SLIT2: variants seen among roughly 807,000 people sequenced by gnomAD.
SLIT2 encodes the protein slit homolog 2 protein.
SLIT2 carries 41 observed loss-of-function variants against 185.7 expected under a neutral mutation model. The observed-to-expected ratio is 0.22, with a 90% confidence interval of 0.17 to 0.29. SLIT2 has a LOEUF of 0.29. Ranked by LOEUF, SLIT2 falls within the 10% of genes least tolerant of loss-of-function variation. The probability of loss-of-function intolerance (pLI) is 1.00; values close to 1 mark genes in which losing one functional copy is unlikely to be tolerated. For synonymous variants in SLIT2, 693 were observed against 680.2 expected, an observed-to-expected ratio of 1.02 and a Z score of -0.29; for missense variants, 1,571 against 1,909.0, an observed-to-expected ratio of 0.82 and a Z score of 3.30.
chr4:20,580,624 C>A (rs552966816), intron 29 of SLIT2, among the ~76,000 whole-genome samples: 1 of 152,206 alleles, frequency 6.6e-6, no homozygotes, highest in Non-Finnish European at 1.5e-5. Flanking sequence ...TGGTGGATAG[C>A]CTGTCCTGCA....
At chr4:20,307,762 T>C (rs1717721131) in intron 4 of SLIT2, among the ~76,000 whole-genome samples, 1 of 152,172 alleles carries the variant, frequency 6.6e-6, no homozygotes, top group Non-Finnish European at 1.5e-5. Flanking sequence ...TATTAGCAAC[T>C]GTTTAAAATA....
chr4:20,590,050 C>T (rs113280955), intron 30 of SLIT2, among the ~76,000 whole-genome samples: 4,852 of 151,696 alleles, frequency 0.032, 105 homozygotes, highest in Non-Finnish European at 0.045. Flanking sequence ...GGACTACAGG[C>T]GCCCGCCACC....
At chr4:20,405,604 A>C (rs1320705707) in intron 4 of SLIT2, among the ~76,000 whole-genome samples, 1 of 151,900 alleles carries the variant, frequency 6.6e-6, no homozygotes, top group Non-Finnish European at 1.5e-5. Flanking sequence ...GAAAACATGG[A>C]GGCTATTGTA....
At chr4:20,587,225 G>A (rs1421461571) in intron 29 of SLIT2, among the ~76,000 whole-genome samples, 1 of 151,970 alleles carries the variant, frequency 6.6e-6, no homozygotes, top group Non-Finnish European at 1.5e-5. Context: ...CACCATGTTG[G>A]CCAAGCTGGT....
intron 4 of SLIT2, among the ~76,000 whole-genome samples, chr4:20,320,694 C>A (rs1462303536): frequency 6.6e-6 from 1 of 152,112 alleles, no homozygotes; most frequent in Non-Finnish European, 1.5e-5. Context: ...ACTCTCCCCT[C>A]CTCCTTCACT....
chr4:20,442,967 T>C (rs188488488), intron 4 of SLIT2, among the ~76,000 whole-genome samples: 25 of 152,242 alleles, frequency 1.6e-4, no homozygotes, highest in Admixed American at 1.1e-3. Flanking sequence ...AGGGCTTTTT[T>C]CCCCCTTTTG....
intron 29 of SLIT2, among the ~76,000 whole-genome samples, chr4:20,588,053 T>C (rs917504586): frequency 6.6e-5 from 10 of 152,234 alleles, no homozygotes; most frequent in Non-Finnish European, 1.3e-4. Flanking sequence ...CATAGTAGGC[T>C]GATAAAATAT....
At chr4:20,287,410 C>A (rs2109070782) in intron 4 of SLIT2, among the ~76,000 whole-genome samples, 1 of 152,308 alleles carries the variant, frequency 6.6e-6, no homozygotes, top group East Asian at 1.9e-4. Flanking sequence ...TGGAGTGTTT[C>A]TTCCTGCTCC....
chr4:20,255,450 T>C (rs1324766964), intron 1 of SLIT2, among the ~76,000 whole-genome samples: 1 of 152,128 alleles, frequency 6.6e-6, no homozygotes, highest in Non-Finnish European at 1.5e-5. Context: ...CGATCCACAT[T>C]TGTGTAGGGT....
chr4:20,573,097 A>C (rs1725750461), intron 29 of SLIT2: 1 of 673,778 alleles, frequency 1.5e-6, no homozygotes, highest in Admixed American at 2.2e-5. Context: ...GCTGTAGGTA[A>C]GAAATCCAAG....
At chr4:20,353,808 G>T (rs1722078582) in intron 4 of SLIT2, among the ~76,000 whole-genome samples, 1 of 152,128 alleles carries the variant, frequency 6.6e-6, no homozygotes, top group African/African-American at 2.4e-5. Flanking sequence ...CTTAAATGAG[G>T]AAACTAGAAC....
chr4:20,482,737 A>C (rs1044499004), intron 6 of SLIT2, among the ~76,000 whole-genome samples: 3 of 152,026 alleles, frequency 2.0e-5, no homozygotes, highest in African/African-American at 7.2e-5. Flanking sequence ...AATAATAAAA[A>C]TTAGCATATG....
chr4:20,553,735 TTGTGTGTGTGTGTG>T, intron 25 of SLIT2, 56 bp from the exon 26 acceptor site: 1 of 941,194 alleles, frequency 1.1e-6, no homozygotes, highest in Non-Finnish European at 1.4e-6. Context: ...ACTTCCATAC[TTGTGTGTGTGTGTG>T]TGTGTGTATG....
At chr4:20,536,081 T>G (rs1722255103) in intron 18 of SLIT2, among the ~76,000 whole-genome samples, 1 of 152,134 alleles carries the variant, frequency 6.6e-6, no homozygotes, top group East Asian at 1.9e-4. Flanking sequence ...TATCTAAACA[T>G]ACTAAACAGA....
intron 4 of SLIT2, among the ~76,000 whole-genome samples, chr4:20,352,023 G>A (rs1329009038): frequency 1.3e-5 from 2 of 152,142 alleles, no homozygotes; most frequent in African/African-American, 4.8e-5. Context: ...CTCTTACAGA[G>A]CGAGAATGAC....
At chr4:20,309,569 T>A (rs1177766016) in intron 4 of SLIT2, among the ~76,000 whole-genome samples, 2 of 152,046 alleles carry the variant, frequency 1.3e-5, no homozygotes, top group African/African-American at 4.8e-5. Context: ...TAAAATCCTC[T>A]TTACTTGTGT....
chr4:20,596,145 A>C (rs536137203), intron 31 of SLIT2, among the ~76,000 whole-genome samples: 16 of 152,322 alleles, frequency 1.1e-4, no homozygotes, highest in Middle Eastern at 3.4e-3. Context: ...AAAGAGTAGA[A>C]TGAGGGTTAC....
rs1173772371 is a variant in SLIT2, at chr4:20,395,148, G to C, written c.396-72604G>C. Among the ~76,000 whole-genome samples the C allele has an allele frequency of 2.6e-5, 4 of 151,944 alleles. No homozygotes were observed. The East Asian group carries it at 7.7e-4, about 29-fold the overall frequency. ...ATTGCCATTTTAATTACATAATTAT[G>C]ATTTATCTATATCTTCTAAACGTTA... On this transcript the variant is annotated intron_variant, in intron 4 of 36. Coordinates refer to ENST00000504154, the MANE Select transcript of SLIT2 (RefSeq NM_004787.4).
chr4:20,449,447 C>T lies in SLIT2; in HGVS notation c.396-18305C>T, dbSNP rs539324322. Among the ~76,000 whole-genome samples, 689 of 152,188 alleles carry T rather than the reference C, an allele frequency of 4.5e-3. 5 individuals carry two copies. The highest frequency in any genetic ancestry group is 6.8e-3 in the Middle Eastern group (2 of 294). On this transcript the variant is annotated intron_variant, in intron 4 of 36. Transcript: ENST00000504154. ...TTTTTATGAGGGAGTCTCACTCTGT[C>T]GCATAGACTGGAGTGCAGTGGTGCA...
Sources: gnomAD v4.1 joint callset for allele counts (sites outside exome capture counted in the v4.1 genomes callset) on GRCh38, gnomAD v4.1.1 for gene constraint, MANE v1.5 for transcripts, NCBI Gene and HGNC (gene_info 2026-07-23, HGNC 2026-07-21) for gene names.